Variants in SLC22A9 observed in about 807,000 individuals in gnomAD.
SLC22A9 encodes the protein organic anion transporter 7.
SLC22A9 carries 64 observed loss-of-function variants against 50.1 expected under a neutral mutation model. The ratio of observed to expected loss-of-function variants is 1.28; its 90% confidence interval spans 1.04 to 1.57. The LOEUF is 1.57. Ranked by LOEUF, SLC22A9 falls within the 40% of genes most tolerant of loss-of-function variation. The pLI, the probability that SLC22A9 is intolerant of heterozygous loss-of-function variation, is 0.00. For missense variants in SLC22A9, 757 were observed against 676.1 expected (o/e 1.12, Z -1.33); for synonymous variants, 261 against 242.5 (o/e 1.08, Z -0.71).
In SLC22A9 at chr11:63,373,725, C is replaced by A; in HGVS notation, c.588C>A (p.Phe196Leu). 1 of 1,613,462 alleles carries A rather than the reference C, an allele frequency of 6.2e-7. No individual in the cohort carries two copies. The highest frequency in any genetic ancestry group is 8.5e-7 in the Non-Finnish European group (1 of 1,179,654). Reference protein sequence around the residue: ...VGTCAALAPTFLIYCSLRFLS... With the variant: ...VGTCAALAPTLLIYCSLRFLS... The stretch of plus-strand genomic sequence containing the variant: ...CCTGTGCAGCCTTGGCTCCCACCTT[C>A]CTCATTTACTGCTCACTACGCTTCT... Residue 196 changes from phenylalanine to leucine, a missense_variant, in exon 3 of 10, where the codon TTC (phenylalanine) becomes TTA (leucine). Phe to Leu is a conservative substitution (Grantham distance 22). Coordinates refer to ENST00000279178, the MANE Select transcript of SLC22A9 (RefSeq NM_080866.3).
chr11:63,388,158 A>T (rs1341772846), intron 6 of SLC22A9, among the ~76,000 whole-genome samples: 2 of 152,054 alleles, frequency 1.3e-5, no homozygotes, highest in South Asian at 2.1e-4. Context: ...AATGTCCTTG[A>T]TTTCTTTCTC....
chr11:63,391,463 CTCTT>C (rs1171905747), intron 6 of SLC22A9, among the ~76,000 whole-genome samples: 3 of 152,082 alleles, frequency 2.0e-5, no homozygotes, highest in South Asian at 2.1e-4. Flanking sequence ...GTATATCTCT[CTCTT>C]TAACTCTATT....
At position 63,382,198 on chromosome 11, in the gene SLC22A9, CA is replaced by C. The variant is rs78765214; in HGVS notation, c.1005del (p.Lys335AsnfsTer67). ...STMKKELEAA[Q>X]KKKPSLCEML... Reference sequence around the variant, plus strand: ...CATGAAAAAAGAACTGGAGGCAGCACAAAAAAAAAAACCTTCTCTGTGTGAA... The same window carrying C: ...CATGAAAAAAGAACTGGAGGCAGCACAAAAAAAAAACCTTCTCTGTGTGAA... On this transcript the variant is annotated frameshift_variant, in exon 6 of 10. Transcript: ENST00000279178. LOFTEE classifies it high-confidence loss of function. The C allele has an allele frequency of 3.8e-3, 4,447 of 1,185,404 alleles. No homozygotes were observed. The highest frequency in any genetic ancestry group is 9.3e-3 in the Admixed American group (412 of 44,360). 73.4% of individuals were successfully genotyped at this position (1,185,404 alleles called of 1,614,324 possible). A position where few individuals can be genotyped will look rare whatever the true frequency, so the allele number is the denominator to read the frequency against.
Position 63,382,238 on chromosome 11 carries a change from C to T in SLC22A9, c.1034C>T (p.Pro345Leu), listed in dbSNP as rs912778258. Reference protein sequence around the residue: ...KPSLCEMLHMPNICKRISLLS... With the variant: ...KPSLCEMLHMLNICKRISLLS... The stretch of plus-strand genomic sequence containing the variant: ...TCTCTGTGTGAAATGCTCCACATGC[C>T]CAACATATGTAAAAGGATCTCCCTC... The change falls in exon 6 of 10, where the codon CCC becomes CTC. Residue 345 changes from proline to leucine, a missense_variant. Physicochemically the swap from Pro to Leu is moderately conservative, Grantham distance 98. Coordinates refer to ENST00000279178, the MANE Select transcript of SLC22A9 (RefSeq NM_080866.3). 4.3e-6 allele frequency: 7 copies of T among 1,609,780 alleles called. No individual in the cohort carries two copies. The highest frequency in any genetic ancestry group is 5.9e-6 in the Non-Finnish European group (7 of 1,178,742).
chr11:63,405,163 C>T (rs571246828), intron 6 of SLC22A9, among the ~76,000 whole-genome samples: 15 of 152,152 alleles, frequency 9.9e-5, no homozygotes, highest in African/African-American at 3.6e-4. Flanking sequence ...TACATGGCAA[C>T]TAGCAGTTTA....
intron 6 of SLC22A9, among the ~76,000 whole-genome samples, chr11:63,385,039 T>G (rs1591018349): frequency 7.7e-6 from 1 of 129,076 alleles, no homozygotes; most frequent in Non-Finnish European, 1.7e-5. Flanking sequence ...TATTACATCT[T>G]TGTCAGATGG....
intron 5 of SLC22A9, among the ~76,000 whole-genome samples, chr11:63,377,014 T>A (rs1159079000): frequency 1.3e-5 from 2 of 152,148 alleles, no homozygotes; most frequent in Non-Finnish European, 2.9e-5. Context: ...TAAATATATA[T>A]GCACCCAACA....
At chr11:63,390,365 A>C (rs1400211255) in intron 6 of SLC22A9, among the ~76,000 whole-genome samples, 1 of 152,090 alleles carries the variant, frequency 6.6e-6, no homozygotes, top group Admixed American at 6.6e-5. Context: ...AGGTGTAAGG[A>C]AGGGGTTCAG....
Position 63,375,738 on chromosome 11 carries a change from G to A in SLC22A9, c.924G>A (p.Met308Ile). 1 of 1,612,658 alleles carries A rather than the reference G, an allele frequency of 6.2e-7. No individual in the cohort carries two copies. The highest frequency in any genetic ancestry group is 8.5e-7 in the Non-Finnish European group (1 of 1,178,950). The change falls in exon 5 of 10, where the codon ATG becomes ATA. Residue 308 changes from methionine to isoleucine, a missense_variant. Met to Ile is a conservative substitution (Grantham distance 10). Coordinates refer to ENST00000279178, the MANE Select transcript of SLC22A9 (RefSeq NM_080866.3). ...GAAAAGCTGCACACAGGAGTGGAAT[G>A]AAGAATGCCAGAGACACCCTAACCC... ...ELRKAAHRSG[M>I]KNARDTLTLE...
chr11:63,388,742 TA>T lies in SLC22A9; in HGVS notation c.1073+6470del, dbSNP rs1420726303. Among the ~76,000 whole-genome samples the T allele has an allele frequency of 2.0e-5, 3 of 152,128 alleles. No homozygotes were observed. In the East Asian group the frequency reaches 5.8e-4, roughly 29 times the overall value. On this transcript the variant is annotated intron_variant, in intron 6 of 9. Transcript: ENST00000279178. ...TGTATTTTTTTTTTGAATAATATGA[TA>T]AAAATGGCATTAGTTCTTCCTTAAA...
chr11:63,401,925 A>G (rs1037538724), intron 6 of SLC22A9, among the ~76,000 whole-genome samples: 3 of 152,058 alleles, frequency 2.0e-5, no homozygotes, highest in African/African-American at 7.2e-5. Flanking sequence ...CTGTCAGTTC[A>G]TGTCCTTTGC....
Position 63,382,278 on chromosome 11 carries a change from G to A in SLC22A9, c.1073+1G>A. ...GGATCTCCCTCCTGTCCTTTACGAG[G>A]TAAGCTTCATGCAGTGTTTGAGGGT... On this transcript the variant is annotated splice_donor_variant, in intron 6 of 9. Transcript: ENST00000279178. LOFTEE classifies it high-confidence loss of function. 6.2e-7 allele frequency: 1 copy of A among 1,600,238 alleles called. No individual in the cohort carries two copies. Among genetic ancestry groups the A allele is most frequent in the Non-Finnish European group, 8.5e-7 (1 of 1,174,196 alleles).
intron 4 of SLC22A9, 67 bp downstream of exon 4, chr11:63,374,129 A>C: frequency 7.0e-7 from 1 of 1,438,716 alleles, no homozygotes; most frequent in Admixed American, 2.6e-5. Flanking sequence ...GAACTAGGAC[A>C]CCTGAATTTC....
At chr11:63,407,637 A>G (rs2015062989) in intron 7 of SLC22A9, among the ~76,000 whole-genome samples, 1 of 152,102 alleles carries the variant, frequency 6.6e-6, no homozygotes, top group Non-Finnish European at 1.5e-5. Flanking sequence ...CTCTCCTAAC[A>G]TAGACCTCCT....
chr11:63,373,616 C>T (rs369508533), intron 2 of SLC22A9, 28 bp from the exon 3 acceptor site: 66 of 1,488,836 alleles, frequency 4.4e-5, no homozygotes, highest in Non-Finnish European at 5.6e-5. Flanking sequence ...TTATTGTTCC[C>T]ATTATCTAAC....
intron 6 of SLC22A9, among the ~76,000 whole-genome samples, chr11:63,383,978 G>C (rs2014613786): frequency 6.6e-6 from 1 of 151,942 alleles, no homozygotes; most frequent in Non-Finnish European, 1.5e-5. Flanking sequence ...CAACCCGGGA[G>C]GTGGAGATTG....
chr11:63,407,714 A>G (rs184310809), intron 7 of SLC22A9, among the ~76,000 whole-genome samples: 4 of 152,260 alleles, frequency 2.6e-5, no homozygotes, highest in Admixed American at 2.6e-4. Context: ...CTAGGTTTTA[A>G]CGGCCAGGAG....
At chr11:63,405,557 AG>A (rs2015022909) in intron 6 of SLC22A9, among the ~76,000 whole-genome samples, 1 of 152,218 alleles carries the variant, frequency 6.6e-6, no homozygotes, top group Non-Finnish European at 1.5e-5. Context: ...ATATAAAAAT[AG>A]GTTTCCTTGT....
chr11:63,407,304 C>T (rs1206575323), intron 7 of SLC22A9, among the ~76,000 whole-genome samples: 2 of 152,144 alleles, frequency 1.3e-5, no homozygotes, highest in Admixed American at 1.3e-4. Flanking sequence ...CTTGTAGATT[C>T]TATTTTAAGA....
Sources: allele counts gnomAD v4.1 joint callset (sites outside exome capture counted in the v4.1 genomes callset), GRCh38; gene constraint gnomAD v4.1.1; transcripts MANE v1.5; gene names NCBI Gene and HGNC (gene_info 2026-07-23, HGNC 2026-07-21).